Variants in CNTNAP2 observed in about 807,000 individuals in gnomAD.
CNTNAP2 encodes the protein contactin associated protein 2.
CNTNAP2 carries 98 observed loss-of-function variants against 155.2 expected under a neutral mutation model. The ratio of observed to expected loss-of-function variants is 0.63; its 90% confidence interval spans 0.54 to 0.75. The LOEUF is 0.75. CNTNAP2 is among the 30% of genes least tolerant of loss of function. The pLI, the probability that CNTNAP2 is intolerant of heterozygous loss-of-function variation, is 0.00. For synonymous variants in CNTNAP2, 651 were observed against 631.2 expected, an observed-to-expected ratio of 1.03 and a Z score of -0.47; for missense variants, 1,727 against 1,688.1, an observed-to-expected ratio of 1.02 and a Z score of -0.40.
chr7:146,589,565 C>T (rs979888661), intron 1 of CNTNAP2, among the ~76,000 whole-genome samples: 1 of 149,974 alleles, frequency 6.7e-6, no homozygotes, highest in African/African-American at 2.5e-5. Flanking sequence ...CACATGGACA[C>T]AGGGAGGGGA....
chr7:146,877,837 C>A (rs555227849), intron 3 of CNTNAP2, among the ~76,000 whole-genome samples: 1 of 151,928 alleles, frequency 6.6e-6, no homozygotes, highest in Non-Finnish European at 1.5e-5. Context: ...GTTCATTACC[C>A]GACCATGATG....
intron 14 of CNTNAP2, among the ~76,000 whole-genome samples, chr7:147,966,632 C>A (rs1801218223): frequency 6.6e-6 from 1 of 152,028 alleles, no homozygotes. Flanking sequence ...ATAAGAGAAG[C>A]CCAACAATTC....
rs536126255 is a variant in CNTNAP2 at position 146,355,543 on chromosome 7, A to G, written c.97+238570A>G. ...TCTGGTAATGAGCTATTTGTCCTGC[A>G]TTGTGACAATAAGTCTCTTCCATAA... is the stretch of plus-strand genomic sequence containing the variant. On this transcript the variant is annotated intron_variant, in intron 1 of 23. Transcript: ENST00000361727. Among the ~76,000 whole-genome samples, 3 of 152,324 alleles carry G rather than the reference A, an allele frequency of 2.0e-5. No homozygotes were observed. In the South Asian group the frequency reaches 6.2e-4, roughly 32 times the overall value.
At chr7:147,453,114 C>T (rs1046507556) in intron 10 of CNTNAP2, among the ~76,000 whole-genome samples, 1 of 152,242 alleles carries the variant, frequency 6.6e-6, no homozygotes, top group East Asian at 1.9e-4. Flanking sequence ...CCCTCTTTTT[C>T]CCTTTCTCCT....
At chr7:146,576,033 G>A (rs951693184) in intron 1 of CNTNAP2, among the ~76,000 whole-genome samples, 2 of 152,166 alleles carry the variant, frequency 1.3e-5, no homozygotes, top group African/African-American at 4.8e-5. Flanking sequence ...CTGGCATCTG[G>A]CCTGAAAGCA....
chr7:146,604,624 C>T (rs548641365), intron 1 of CNTNAP2, among the ~76,000 whole-genome samples: 104 of 124,084 alleles, frequency 8.4e-4, no homozygotes, highest in Non-Finnish European at 1.1e-3. Flanking sequence ...CACATGCACA[C>T]GTATGTTTAT....
chr7:146,677,006 A>G (rs952550131), intron 1 of CNTNAP2, among the ~76,000 whole-genome samples: 11 of 152,232 alleles, frequency 7.2e-5, no homozygotes, highest in Non-Finnish European at 1.2e-4. Flanking sequence ...TGCAAGGTTA[A>G]GGACATGCCC....
At chr7:148,171,896 A>G (rs1427976358) in intron 17 of CNTNAP2, among the ~76,000 whole-genome samples, 2 of 152,228 alleles carry the variant, frequency 1.3e-5, no homozygotes, top group African/African-American at 4.8e-5. Context: ...ACAGAACTCG[A>G]TGTTGTGAGA....
At chr7:146,963,563 A>AGAATAAAACACAATGTCTT (rs1383889998) in intron 3 of CNTNAP2, among the ~76,000 whole-genome samples, 7 of 152,172 alleles carry the variant, frequency 4.6e-5, no homozygotes, top group Non-Finnish European at 1.0e-4. Flanking sequence ...GCTTATTTCA[A>AGAATAAAACACAATGTCTT]GAATAAAACA....
intron 15 of CNTNAP2, among the ~76,000 whole-genome samples, chr7:148,058,551 A>G (rs1317483944): frequency 6.6e-6 from 1 of 152,134 alleles, no homozygotes; most frequent in African/African-American, 2.4e-5. Context: ...TACACCTACC[A>G]TCCTCTGCAC....
intron 13 of CNTNAP2, among the ~76,000 whole-genome samples, chr7:147,836,046 A>G (rs977690175): frequency 1.3e-5 from 2 of 152,168 alleles, no homozygotes; most frequent in African/African-American, 4.8e-5. Flanking sequence ...CTGTGGTTTT[A>G]GGCCATCAAG....
chr7:146,708,137 G>C (rs1800998527), intron 1 of CNTNAP2, among the ~76,000 whole-genome samples: 2 of 152,050 alleles, frequency 1.3e-5, no homozygotes, highest in Non-Finnish European at 2.9e-5. Flanking sequence ...AACACTTATA[G>C]CCTGTCTTCT....
At chr7:148,337,569 T>C (rs993221116) in intron 21 of CNTNAP2, among the ~76,000 whole-genome samples, 38 of 152,236 alleles carry the variant, frequency 2.5e-4, no homozygotes, top group African/African-American at 9.2e-4. Context: ...TCTGCTACTT[T>C]GTCCAAGATC....
At chr7:146,277,239 T>C (rs1800179269) in intron 1 of CNTNAP2, among the ~76,000 whole-genome samples, 1 of 152,180 alleles carries the variant, frequency 6.6e-6, no homozygotes, top group Admixed American at 6.6e-5. Flanking sequence ...ACCTTGATTT[T>C]TGAACTTCTG....
chr7:148,229,135 G>T (rs1186128405), intron 19 of CNTNAP2, among the ~76,000 whole-genome samples: 1 of 152,186 alleles, frequency 6.6e-6, no homozygotes, highest in East Asian at 1.9e-4. Context: ...CGAGCCTGGT[G>T]CTGTCAGCCG....
intron 1 of CNTNAP2, among the ~76,000 whole-genome samples, chr7:146,758,326 T>C (rs1347974840): frequency 2.0e-5 from 3 of 152,178 alleles, no homozygotes; most frequent in Non-Finnish European, 4.4e-5. Flanking sequence ...TAGATTGTAG[T>C]GCTTCTCTTC....
At chr7:147,126,057 C>T (rs1236866173) in intron 6 of CNTNAP2, among the ~76,000 whole-genome samples, 2 of 152,192 alleles carry the variant, frequency 1.3e-5, no homozygotes, top group East Asian at 3.9e-4. Flanking sequence ...TGTCCTCCCC[C>T]TCTTAATGAC....
chr7:147,793,448 T>TC (rs1319292824), intron 13 of CNTNAP2, among the ~76,000 whole-genome samples: 5 of 152,090 alleles, frequency 3.3e-5, no homozygotes, highest in Non-Finnish European at 5.9e-5. Context: ...TACTGCTTTT[T>TC]CCCCATTGAA....
chr7:146,255,868 G>A (rs1283459001), intron 1 of CNTNAP2, among the ~76,000 whole-genome samples: 1 of 152,166 alleles, frequency 6.6e-6, no homozygotes, highest in Non-Finnish European at 1.5e-5. Context: ...ATGAGACAGA[G>A]TGAATTATGT....
Sources: allele counts gnomAD v4.1 joint callset (sites outside exome capture counted in the v4.1 genomes callset), GRCh38; gene constraint gnomAD v4.1.1; transcripts MANE v1.5; gene names NCBI Gene and HGNC (gene_info 2026-07-23, HGNC 2026-07-21).